DLGAP1: variants seen among roughly 807,000 people sequenced by gnomAD.
DLGAP1 encodes the protein DLG associated protein 1.
In DLGAP1, 11 loss-of-function variants were observed where a neutral mutation model predicts 90.8. That is an observed-to-expected ratio of 0.12 (90% CI 0.08 to 0.20). The LOEUF (loss-of-function observed/expected upper bound fraction) is 0.20. Ranked by LOEUF, DLGAP1 falls within the 10% of genes least tolerant of loss-of-function variation. The probability of loss-of-function intolerance (pLI) is 1.00; values close to 1 mark genes in which losing one functional copy is unlikely to be tolerated. For missense variants in DLGAP1, 1,050 were observed against 1,333.8 expected, an observed-to-expected ratio of 0.79 and a Z score of 3.31; for synonymous variants, 558 against 540.7, an observed-to-expected ratio of 1.03 and a Z score of -0.44.
chr18:4,421,802 A>G (rs1444300294), intron 1 of DLGAP1, among the ~76,000 whole-genome samples: 2 of 151,996 alleles, frequency 1.3e-5, no homozygotes, highest in Non-Finnish European at 2.9e-5. Flanking sequence ...TCCGCCTCCT[A>G]GGTTCAAGCA....
At chr18:3,855,286 G>A (rs1465646561) in intron 4 of DLGAP1, among the ~76,000 whole-genome samples, 1 of 152,170 alleles carries the variant, frequency 6.6e-6, no homozygotes, top group Non-Finnish European at 1.5e-5. Flanking sequence ...ACTTGAGGGT[G>A]GAGGGAGGGA....
intron 2 of DLGAP1, among the ~76,000 whole-genome samples, chr18:4,076,754 G>A (rs1568382802): frequency 1.3e-5 from 2 of 152,124 alleles, no homozygotes; most frequent in East Asian, 1.9e-4. Flanking sequence ...CTCCCGAGTA[G>A]CTGGGATTAC....
intron 4 of DLGAP1, among the ~76,000 whole-genome samples, chr18:3,836,534 G>A (rs2068393013): frequency 6.6e-6 from 1 of 152,130 alleles, no homozygotes; most frequent in Non-Finnish European, 1.5e-5. Flanking sequence ...ACACGTCGCA[G>A]GTGGATGAGA....
chr18:4,358,916 G>A (rs1417195395), intron 1 of DLGAP1, among the ~76,000 whole-genome samples: 7 of 152,214 alleles, frequency 4.6e-5, no homozygotes, highest in African/African-American at 2.4e-5. Context: ...GTTAGTAATA[G>A]ACCTGACAGT....
At chr18:3,671,922 A>G (rs2060099384) in intron 7 of DLGAP1, among the ~76,000 whole-genome samples, 4 of 152,206 alleles carry the variant, frequency 2.6e-5, no homozygotes, top group Non-Finnish European at 4.4e-5. Flanking sequence ...CACTCAGAGT[A>G]GAAGCCAAAT....
chr18:3,822,022 C>CAT, intron 4 of DLGAP1: 18 of 697,364 alleles, frequency 2.6e-5, no homozygotes, highest in African/African-American at 9.9e-5. Context: ...ATAGCAAAAA[C>CAT]AGAAAAAAAA....
At chr18:3,935,841 A>G (rs1290452814) in intron 3 of DLGAP1, among the ~76,000 whole-genome samples, 2 of 152,202 alleles carry the variant, frequency 1.3e-5, no homozygotes, top group African/African-American at 4.8e-5. Flanking sequence ...CTCTCATTCG[A>G]AAGTCTAAGC....
At chr18:4,075,346 G>C (rs969433522) in intron 2 of DLGAP1, among the ~76,000 whole-genome samples, 5 of 152,052 alleles carry the variant, frequency 3.3e-5, no homozygotes, top group African/African-American at 4.8e-5. Flanking sequence ...AAAAGAAATA[G>C]GGAGAAAGCA....
At chr18:3,548,600 C>G (rs2053197680) in intron 9 of DLGAP1, among the ~76,000 whole-genome samples, 1 of 152,096 alleles carries the variant, frequency 6.6e-6, no homozygotes, top group South Asian at 2.1e-4. Context: ...AACCCCGTTT[C>G]TACAAAAAAT....
At chr18:4,241,855 TTATCA>T (rs1204796694) in intron 1 of DLGAP1, among the ~76,000 whole-genome samples, 5 of 152,230 alleles carry the variant, frequency 3.3e-5, no homozygotes, top group African/African-American at 1.2e-4. Flanking sequence ...ATTTTTTTCC[TTATCA>T]TTAGTTTTCT....
chr18:3,716,519 C>G (rs9797445), intron 7 of DLGAP1, among the ~76,000 whole-genome samples: 78,633 of 151,998 alleles, frequency 0.52, 20,907 homozygotes, highest in East Asian at 0.71. Context: ...CTGGGTGACA[C>G]AGTGAGACCC....
At chr18:3,988,404 A>G (rs1193097453) in intron 3 of DLGAP1, among the ~76,000 whole-genome samples, 3 of 152,066 alleles carry the variant, frequency 2.0e-5, no homozygotes, top group Non-Finnish European at 2.9e-5. Context: ...TTGACTTATT[A>G]TGGTCTCTGC....
chr18:3,948,348 T>C (rs2072916269), intron 3 of DLGAP1, among the ~76,000 whole-genome samples: 1 of 151,846 alleles, frequency 6.6e-6, no homozygotes, highest in South Asian at 2.1e-4. Context: ...GCTCACTAGA[T>C]GCTGGATCCC....
rs2073037148 is a variant in DLGAP1 at position 3,953,975 on chromosome 18, A to T, written c.-73+51141T>A. Among the ~76,000 whole-genome samples, 3 of 152,330 alleles carry T rather than the reference A, an allele frequency of 2.0e-5. 1 individual carries two copies. In the South Asian group the frequency reaches 6.2e-4, roughly 32 times the overall value. On this transcript the variant is annotated intron_variant, in intron 3 of 12. Transcript: ENST00000315677. ...CTTGTGCTTGGAGCTCTTTATCATCATCACCATCGGATTGTCCTGAGGAAG... is the reference window on the plus strand; with the variant it reads ...CTTGTGCTTGGAGCTCTTTATCATCTTCACCATCGGATTGTCCTGAGGAAG...
intron 8 of DLGAP1, among the ~76,000 whole-genome samples, chr18:3,574,884 G>C (rs886072570): frequency 6.6e-6 from 1 of 150,460 alleles, no homozygotes; most frequent in Non-Finnish European, 1.5e-5. Flanking sequence ...GCACAATCTT[G>C]GCTCACTGCA....
intron 1 of DLGAP1, among the ~76,000 whole-genome samples, chr18:4,164,923 G>A (rs892119248): frequency 3.3e-5 from 5 of 152,082 alleles, no homozygotes; most frequent in African/African-American, 1.2e-4. Context: ...TGAACCTAAG[G>A]ATAGATGAAT....
At chr18:4,264,559 C>T (rs1598754465) in intron 1 of DLGAP1, 1 of 152,396 alleles carries the variant, frequency 6.6e-6, no homozygotes, top group Non-Finnish European at 1.5e-5. Context: ...CTCTGCACTT[C>T]CTCCCAGGCA....
In DLGAP1 at chr18:3,711,382, T is replaced by C. The variant is rs747597190; in HGVS notation, c.1591+17753A>G. 4.6e-5 allele frequency among the ~76,000 whole-genome samples: 7 copies of C among 152,178 alleles called. No homozygotes were observed. The highest frequency in any genetic ancestry group is 1.0e-4 in the Non-Finnish European group (7 of 68,018). On this transcript the variant is annotated intron_variant, in intron 7 of 12. Coordinates refer to ENST00000315677, the MANE Select transcript of DLGAP1 (RefSeq NM_004746.4). This position sits in a 1 kb window ranked among gnomAD's most constrained non-coding sequence, Gnocchi z 4.0. ...AAGAATAGCCAGGTAAATCGACCTG[T>C]TTATAAAATGTATATGCCCAATTAG...
intron 1 of DLGAP1, among the ~76,000 whole-genome samples, chr18:4,193,659 G>A (rs991160134): frequency 6.6e-6 from 1 of 152,162 alleles, no homozygotes; most frequent in Non-Finnish European, 1.5e-5. Context: ...ATTTTTTATG[G>A]TATTTGGAGA....
Sources: allele counts gnomAD v4.1 joint callset (sites outside exome capture counted in the v4.1 genomes callset), GRCh38; gene constraint gnomAD v4.1.1; non-coding constraint Gnocchi (gnomAD v3.1); transcripts MANE v1.5; gene names NCBI Gene and HGNC (gene_info 2026-07-23, HGNC 2026-07-21).